Variants in PTK2 observed in about 807,000 individuals in gnomAD.
PTK2 encodes the protein protein tyrosine kinase 2.
Under a neutral mutation model 150.1 loss-of-function variants are expected in PTK2, and 45 were observed. That is an observed-to-expected ratio of 0.30 (90% CI 0.24 to 0.38). The LOEUF (loss-of-function observed/expected upper bound fraction) is 0.38, where lower values mean the gene tolerates loss of function less well. Ranked by LOEUF, PTK2 falls within the 10% of genes least tolerant of loss-of-function variation. The probability of loss-of-function intolerance (pLI) is 1.00; values close to 1 mark genes in which losing one functional copy is unlikely to be tolerated. For synonymous variants in PTK2, 432 were observed against 449.2 expected, an observed-to-expected ratio of 0.96 and a Z score of 0.48; for missense variants, 919 against 1,307.3, an observed-to-expected ratio of 0.70 and a Z score of 4.58.
At chr8:140,703,885 T>G (rs1393863164) in intron 24 of PTK2, among the ~76,000 whole-genome samples, 1 of 152,214 alleles carries the variant, frequency 6.6e-6, no homozygotes, top group Non-Finnish European at 1.5e-5. Flanking sequence ...CAGTTAATTT[T>G]TTAGTGAGAT....
chr8:140,972,961 T>C (rs534272034), intron 1 of PTK2, among the ~76,000 whole-genome samples: 3 of 152,380 alleles, frequency 2.0e-5, no homozygotes, highest in East Asian at 1.9e-4. Context: ...CTGTTCTTTA[T>C]TCAAATCCCT....
At chr8:140,778,178 C>T (rs1263699395) in intron 14 of PTK2, among the ~76,000 whole-genome samples, 1 of 152,162 alleles carries the variant, frequency 6.6e-6, no homozygotes, top group African/African-American at 2.4e-5. Flanking sequence ...ACAAATTAGA[C>T]TTAATTGGGC....
intron 22 of PTK2, among the ~76,000 whole-genome samples, chr8:140,725,423 C>A (rs1157384278): frequency 6.6e-6 from 1 of 152,196 alleles, no homozygotes; most frequent in Non-Finnish European, 1.5e-5. Context: ...CATGGGAGAG[C>A]AACCATAGGC....
chr8:140,957,890 C>T lies in PTK2; in HGVS notation c.-121-32141G>A, dbSNP rs567044146. 3.9e-5 allele frequency among the ~76,000 whole-genome samples: 6 copies of T among 152,216 alleles called. No individual in the cohort carries two copies. The South Asian group carries it at 1.2e-3, about 32-fold the overall frequency. The stretch of plus-strand genomic sequence containing the variant: ...TATGACATTTGTACAATGAAATCAC[C>T]TAATGCATTTCCTGTCGTTAAGCAA... On this transcript the variant is annotated intron_variant, in intron 1 of 31. Coordinates refer to ENST00000522684, the Ensembl canonical transcript of PTK2.
At chr8:140,905,707 A>G (rs185421776) in intron 2 of PTK2, among the ~76,000 whole-genome samples, 242 of 152,312 alleles carry the variant, frequency 1.6e-3, no homozygotes, top group Non-Finnish European at 3.0e-3. Flanking sequence ...TCCACCCCAG[A>G]TCAACAGAAT....
chr8:140,885,647 G>A (rs773119367), intron 3 of PTK2, among the ~76,000 whole-genome samples: 3 of 152,186 alleles, frequency 2.0e-5, no homozygotes, highest in Non-Finnish European at 4.4e-5. Context: ...GCCACATCCC[G>A]TAGGTCCTTG....
At chr8:140,917,445 T>C (rs919416469) in intron 2 of PTK2, among the ~76,000 whole-genome samples, 7 of 152,094 alleles carry the variant, frequency 4.6e-5, no homozygotes, top group African/African-American at 1.4e-4. Context: ...TTCATTCATT[T>C]ATTAGCCACC....
intron 1 of PTK2, among the ~76,000 whole-genome samples, chr8:140,933,088 T>A (rs1004022617): frequency 1.3e-5 from 2 of 151,910 alleles, no homozygotes; most frequent in African/African-American, 2.4e-5. Flanking sequence ...TGACCTCCGA[T>A]GATCTAACCA....
chr8:140,793,438 G>C, intron 12 of PTK2, 54 bp from the exon 13 acceptor site: 2 of 1,583,380 alleles, frequency 1.3e-6, no homozygotes, highest in East Asian at 4.5e-5. Flanking sequence ...CTTTTGAAAA[G>C]ATGGTGCCTA....
intron 14 of PTK2, chr8:140,764,535 C>T (rs1165126012): frequency 4.1e-6 from 2 of 489,154 alleles, no homozygotes; most frequent in Non-Finnish European, 7.2e-6. Flanking sequence ...ACACAGAAAG[C>T]CCTTGTAAAA....
intron 26 of PTK2, among the ~76,000 whole-genome samples, chr8:140,698,972 T>A (rs1277181587): frequency 6.9e-6 from 1 of 144,162 alleles, no homozygotes; most frequent in Non-Finnish European, 1.5e-5. Context: ...TTTCACCATG[T>A]GGGCTAGGCT....
In PTK2 at chr8:140,756,553, C is replaced by T. The variant is rs556015186; in HGVS notation, c.1333-4237G>A. Among the ~76,000 whole-genome samples, 192 of 151,280 alleles carry T rather than the reference C, an allele frequency of 1.3e-3. 1 individual carries two copies. The highest frequency in any genetic ancestry group is 6.8e-3 in the Middle Eastern group (2 of 294). Reference sequence around the variant, plus strand: ...TCTCTACTAAAAATACAAAATTAGCCGGGTGTGGTGGCACCTGCCTGTAAT... The same window carrying T: ...TCTCTACTAAAAATACAAAATTAGCTGGGTGTGGTGGCACCTGCCTGTAAT... On this transcript the variant is annotated intron_variant, in intron 16 of 31. Coordinates refer to ENST00000522684, the Ensembl canonical transcript of PTK2.
chr8:140,943,805 G>T (rs1334797251), intron 1 of PTK2, among the ~76,000 whole-genome samples: 1 of 152,068 alleles, frequency 6.6e-6, no homozygotes, highest in African/African-American at 2.4e-5. Context: ...TCGTGTGGTT[G>T]TAATTTACAT....
At chr8:140,751,937 T>C in intron 17 of PTK2, 1 of 562,326 alleles carries the variant, frequency 1.8e-6, no homozygotes, top group South Asian at 1.4e-5. Context: ...GCATCAACAT[T>C]AGGATCACTT....
chr8:140,837,036 G>C (rs2100119056), intron 7 of PTK2, among the ~76,000 whole-genome samples: 1 of 152,116 alleles, frequency 6.6e-6, no homozygotes, highest in Admixed American at 6.5e-5. Context: ...CACTGTATTG[G>C]TTTGTCAATA....
intron 1 of PTK2, among the ~76,000 whole-genome samples, chr8:140,935,804 G>A (rs991190187): frequency 6.8e-6 from 1 of 146,274 alleles, no homozygotes; most frequent in Non-Finnish European, 1.5e-5. Context: ...CTGAGTAGCT[G>A]GGACTACAGG....
chr8:140,964,534 C>T (rs1027048800), intron 1 of PTK2, among the ~76,000 whole-genome samples: 1 of 151,248 alleles, frequency 6.6e-6, no homozygotes, highest in Non-Finnish European at 1.5e-5. Context: ...GGCACCACCC[C>T]CAGCCCCAGG....
At chr8:140,818,797 TCATCAGAAA>T in intron 9 of PTK2, 74 bp downstream of exon 9, 1 of 1,429,158 alleles carries the variant, frequency 7.0e-7, no homozygotes, top group Admixed American at 2.5e-5. Flanking sequence ...TAGCATTTTT[TCATCAGAAA>T]TTTAGATATA....
chr8:140,677,084 TA>T (rs527906344), intron 27 of PTK2, among the ~76,000 whole-genome samples: 5 of 151,946 alleles, frequency 3.3e-5, no homozygotes, highest in African/African-American at 7.2e-5. Flanking sequence ...TTTATACAAA[TA>T]AAAAAAATTT....
Sources: gnomAD v4.1 joint callset for allele counts (sites outside exome capture counted in the v4.1 genomes callset) on GRCh38, gnomAD v4.1.1 for gene constraint, MANE v1.5 for transcripts, NCBI Gene and HGNC (gene_info 2026-07-23, HGNC 2026-07-21) for gene names.